The following MRTFA variants were observed in gnomAD, a reference collection of about 807,000 sequenced individuals.
MRTFA encodes myocardin-related transcription factor A.
Under a neutral mutation model 83.5 loss-of-function variants are expected in MRTFA, and 20 were observed. That is an observed-to-expected ratio of 0.24 (90% CI 0.17 to 0.35). The LOEUF is 0.35. Among genes scored for constraint, MRTFA ranks in the 10% least tolerant of loss-of-function variants. The probability of loss-of-function intolerance (pLI) is 1.00; values close to 1 mark genes in which losing one functional copy is unlikely to be tolerated. For synonymous variants in MRTFA, 659 were observed against 541.2 expected, an observed-to-expected ratio of 1.22 and a Z score of -3.02; for missense variants, 1,200 against 1,224.7, an observed-to-expected ratio of 0.98 and a Z score of 0.30.
intron 1 of MRTFA, among the ~76,000 whole-genome samples, chr22:40,620,423 CTTTTTT>C (rs747409456): frequency 5.3e-5 from 5 of 94,198 alleles, no homozygotes; most frequent in African/African-American, 1.3e-4. Flanking sequence ...AACATGCAGT[CTTTTTT>C]TTTTTTTTTT....
rs183216992 is a variant in MRTFA, at chr22:40,477,816, G to T, written c.242-14530C>A. Among the ~76,000 whole-genome samples, 170 of 152,098 alleles carry T rather than the reference G, an allele frequency of 1.1e-3. 1 individual carries two copies. Among genetic ancestry groups the T allele is most frequent in the African/African-American group, 3.9e-3 (160 of 41,472 alleles). On this transcript the variant is annotated intron_variant, in intron 3 of 14. Coordinates refer to ENST00000355630, the MANE Select transcript of MRTFA (RefSeq NM_020831.6). ...AAGGAAGGGTAAAGGAAAGGGGAAGGAGAGGAGGGAAAGGAATGAAAAAGG... is the reference window on the plus strand; with the variant it reads ...AAGGAAGGGTAAAGGAAAGGGGAAGTAGAGGAGGGAAAGGAATGAAAAAGG...
intron 3 of MRTFA, among the ~76,000 whole-genome samples, chr22:40,484,908 T>C (rs370856337): frequency 3.3e-5 from 5 of 151,502 alleles, no homozygotes; most frequent in African/African-American, 1.2e-4. Context: ...CCGTCTCTAC[T>C]AAAAATACAA....
At chr22:40,432,864 G>A (rs1269727799) in intron 5 of MRTFA, among the ~76,000 whole-genome samples, 1 of 152,202 alleles carries the variant, frequency 6.6e-6, no homozygotes, top group Admixed American at 6.5e-5. Flanking sequence ...AGCTGCAGCA[G>A]AGATTGGTAG....
At chr22:40,446,418 G>T (rs2147120057) in intron 4 of MRTFA, among the ~76,000 whole-genome samples, 1 of 152,268 alleles carries the variant, frequency 6.6e-6, no homozygotes, top group African/African-American at 2.4e-5. Context: ...GTGATCCAGG[G>T]CGAGTAAACT....
intron 3 of MRTFA, among the ~76,000 whole-genome samples, chr22:40,549,600 G>A (rs1390073907): frequency 6.6e-6 from 1 of 152,136 alleles, no homozygotes; most frequent in Non-Finnish European, 1.5e-5. Flanking sequence ...GGAAAGTTCT[G>A]GACTACTAGT....
intron 3 of MRTFA, among the ~76,000 whole-genome samples, chr22:40,482,555 G>C (rs1378982875): frequency 1.3e-5 from 2 of 152,178 alleles, no homozygotes; most frequent in African/African-American, 4.8e-5. Flanking sequence ...TGCCTGAACA[G>C]GGTGGAGATA....
chr22:40,446,600 G>A (rs976383261), intron 4 of MRTFA, among the ~76,000 whole-genome samples: 5 of 152,174 alleles, frequency 3.3e-5, no homozygotes, highest in African/African-American at 9.7e-5. Context: ...TAGACAGAAA[G>A]ACAGAGAGAC....
At chr22:40,467,201 C>T (rs112134378) in intron 3 of MRTFA, among the ~76,000 whole-genome samples, 1 of 152,100 alleles carries the variant, frequency 6.6e-6, no homozygotes, top group East Asian at 1.9e-4. Context: ...ATCTTGGGTA[C>T]TGCAATAACC....
intron 2 of MRTFA, chr22:40,569,582 G>C (rs1160145040): frequency 6.6e-6 from 1 of 152,332 alleles, no homozygotes; most frequent in Non-Finnish European, 1.5e-5. Flanking sequence ...AAATTAGTTG[G>C]GCACGATGGC....
intron 3 of MRTFA, among the ~76,000 whole-genome samples, chr22:40,530,062 C>T (rs1323100984): frequency 6.6e-6 from 1 of 152,190 alleles, no homozygotes; most frequent in East Asian, 1.9e-4. Flanking sequence ...ACCTAAGGAA[C>T]TGTCTCAACT....
intron 1 of MRTFA, among the ~76,000 whole-genome samples, chr22:40,609,361 A>T (rs1006075624): frequency 6.6e-6 from 1 of 151,538 alleles, no homozygotes; most frequent in Non-Finnish European, 1.5e-5. Context: ...TGAATTTGTA[A>T]TCTCAGCTAT....
rs1325794427 is a variant in MRTFA, at chr22:40,423,695, A to G, written c.778-10T>C. The G allele has an allele frequency of 6.5e-7, 1 of 1,526,812 alleles. No individual in the cohort carries two copies. The highest frequency in any genetic ancestry group is 2.4e-5 in the East Asian group (1 of 41,254). 94.6% of individuals were successfully genotyped at this position (1,526,812 alleles called of 1,614,324 possible). A position where few individuals can be genotyped will look rare whatever the true frequency, so the allele number is the denominator to read the frequency against. On this transcript the variant is annotated splice_polypyrimidine_tract_variant and intron_variant, in intron 8 of 14. Coordinates refer to ENST00000355630, the MANE Select transcript of MRTFA (RefSeq NM_020831.6). ...GAAGTTGAGACACAACCTGAGAGGG[A>G]AAAAGGGAAGTGAGGACATGGCCAC...
intron 3 of MRTFA, among the ~76,000 whole-genome samples, chr22:40,517,883 G>T (rs1246728276): frequency 6.6e-6 from 1 of 152,164 alleles, no homozygotes; most frequent in East Asian, 1.9e-4. Context: ...TTCTGGGGAT[G>T]CAAGAGGGGC....
chr22:40,429,613 G>A lies in MRTFA; in HGVS notation c.594C>T (p.Ala198=). ...TGGCTGGGTCCTCCTCACCAATGAT[G>A]GCTTCCTTCAGGCTGGACTCAACAG... is the stretch of plus-strand genomic sequence containing the variant. The change falls in exon 7 of 15, where the codon GCC becomes GCT. Residue 198 remains alanine (A), a synonymous_variant. Coordinates refer to ENST00000355630, the MANE Select transcript of MRTFA (RefSeq NM_020831.6). 3.1e-6 allele frequency: 5 copies of A among 1,614,112 alleles called. No individual in the cohort carries two copies. Among genetic ancestry groups the A allele is most frequent in the Non-Finnish European group, 4.2e-6 (5 of 1,180,030 alleles).
At chr22:40,600,676 C>T (rs1183713226) in intron 1 of MRTFA, among the ~76,000 whole-genome samples, 4 of 152,146 alleles carry the variant, frequency 2.6e-5, no homozygotes, top group Non-Finnish European at 5.9e-5. Flanking sequence ...CAATACTTTA[C>T]AAAATAAAAA....
At chr22:40,413,095 C>T (rs1239082075) in intron 14 of MRTFA, among the ~76,000 whole-genome samples, 1 of 143,730 alleles carries the variant, frequency 7.0e-6, no homozygotes, top group Non-Finnish European at 1.5e-5. Context: ...CAAGATTGCA[C>T]CACTGCACTC....
chr22:40,428,965 C>A (rs1015273516), intron 7 of MRTFA, among the ~76,000 whole-genome samples: 6 of 152,168 alleles, frequency 3.9e-5, no homozygotes, highest in African/African-American at 1.4e-4. Flanking sequence ...GCTGTCACCT[C>A]CTCTGACAGC....
rs147295997 is a variant in MRTFA, at chr22:40,484,628, G to A, written c.242-21342C>T. Among the ~76,000 whole-genome samples, 223 of 152,226 alleles carry A rather than the reference G, an allele frequency of 1.5e-3. 2 individuals are homozygous for A. Among genetic ancestry groups the A allele is most frequent in the Middle Eastern group, 3.4e-3 (1 of 294 alleles). ...CTGCAGGTTTTGCACAAAATTTTAC[G>A]AAACAAACCTGCATTAAGTTAAAGC... On this transcript the variant is annotated intron_variant, in intron 3 of 14. Transcript: ENST00000355630.
intron 8 of MRTFA, among the ~76,000 whole-genome samples, 172 bp from the exon 9 acceptor site, chr22:40,423,857 T>C (rs139440423): frequency 1.2e-3 from 187 of 151,886 alleles, no homozygotes; most frequent in Non-Finnish European, 2.3e-3. Context: ...AAGGAGGAGC[T>C]AGGAAAGAGA....
Sources: gnomAD v4.1 joint callset for allele counts (sites outside exome capture counted in the v4.1 genomes callset) on GRCh38, gnomAD v4.1.1 for gene constraint, MANE v1.5 for transcripts, NCBI Gene and HGNC (gene_info 2026-07-23, HGNC 2026-07-21) for gene names.